ABCA13: variants seen among roughly 807,000 people sequenced by gnomAD.
ABCA13 encodes ATP-binding cassette sub-family A member 13.
A neutral mutation model predicts 478.7 loss-of-function variants in ABCA13; 476 were observed. That is an observed-to-expected ratio of 0.99 (90% CI 0.92 to 1.07). The LOEUF is 1.07. Ranked by LOEUF, ABCA13 falls within the 50% of genes least tolerant of loss-of-function variation. The probability of loss-of-function intolerance (pLI) is 0.00; values close to 1 mark genes in which losing one functional copy is unlikely to be tolerated. For missense variants in ABCA13, 6,060 were observed against 5,910.6 expected, an observed-to-expected ratio of 1.03 and a Z score of -0.83; for synonymous variants, 2,252 against 2,158.9, an observed-to-expected ratio of 1.04 and a Z score of -1.20.
At chr7:48,492,900 C>T (rs1212516122) in intron 48 of ABCA13, among the ~76,000 whole-genome samples, 2 of 151,952 alleles carry the variant, frequency 1.3e-5, no homozygotes, top group South Asian at 2.1e-4. Context: ...TTGGTGGGCA[C>T]CTGTAATCCC....
chr7:48,314,390 C>A lies in ABCA13; in HGVS notation c.9840C>A (p.Phe3280Leu). The change falls in exon 26 of 62, where the codon TTC (phenylalanine) becomes TTA (leucine). Residue 3280 changes from phenylalanine to leucine, a missense_variant. Phe to Leu is a conservative substitution (Grantham distance 22). Coordinates refer to ENST00000435803, the MANE Select transcript of ABCA13 (RefSeq NM_152701.5). Reference protein sequence around the residue: ...KELLEDDKEKFNIPEDSTPFC... With the variant: ...KELLEDDKEKLNIPEDSTPFC... Reference sequence around the variant, plus strand: ...TCTTGGAAGATGACAAAGAAAAATTCAACATTCCTGAAGATTCAAGTAAGA... The same window carrying A: ...TCTTGGAAGATGACAAAGAAAAATTAAACATTCCTGAAGATTCAAGTAAGA... 6.3e-7 allele frequency: 1 copy of A among 1,595,662 alleles called. No homozygotes were observed. Among genetic ancestry groups the A allele is most frequent in the Non-Finnish European group, 8.5e-7 (1 of 1,170,208 alleles).
intron 57 of ABCA13, among the ~76,000 whole-genome samples, chr7:48,590,458 A>G (rs1198322771): frequency 2.6e-5 from 4 of 152,306 alleles, no homozygotes; most frequent in Admixed American, 1.3e-4. Context: ...TAGCACTGCA[A>G]ATATCCCTTC....
chr7:48,313,324 T>C, intron 25 of ABCA13, 93 bp downstream of exon 25: 1 of 1,314,016 alleles, frequency 7.6e-7, no homozygotes, highest in Non-Finnish European at 1.0e-6. Flanking sequence ...ACATCTAAAA[T>C]TTGCATTAGA....
chr7:48,384,045 G>T (rs1219455575), intron 35 of ABCA13, among the ~76,000 whole-genome samples: 1 of 152,158 alleles, frequency 6.6e-6, no homozygotes, highest in Non-Finnish European at 1.5e-5. Flanking sequence ...CTTTGTCATT[G>T]TGTCATCTAG....
chr7:48,329,510 C>T (rs374964204), intron 27 of ABCA13, among the ~76,000 whole-genome samples: 4 of 152,122 alleles, frequency 2.6e-5, no homozygotes, highest in South Asian at 4.1e-4. Flanking sequence ...GGCACAAGTC[C>T]CTTTTGTTTC....
chr7:48,571,820 G>A (rs959307484), intron 55 of ABCA13, among the ~76,000 whole-genome samples: 1 of 152,150 alleles, frequency 6.6e-6, no homozygotes, highest in African/African-American at 2.4e-5. Flanking sequence ...ATGTTGAATA[G>A]AAGAGGTGGT....
At position 48,644,756 on chromosome 7, in the gene ABCA13, T is replaced by A; in HGVS notation, c.15081+2T>A. The A allele has an allele frequency of 6.3e-7, 1 of 1,592,952 alleles. No homozygotes were observed. Among genetic ancestry groups the A allele is most frequent in the East Asian group, 2.2e-5 (1 of 44,654 alleles). ...ATTAACCAAACCACTTTGGAGCAGG[T>A]ATAGTATCTTGAATGATTCAGGAGG... On this transcript the variant is annotated splice_donor_variant, in intron 61 of 61. Coordinates refer to ENST00000435803, the MANE Select transcript of ABCA13 (RefSeq NM_152701.5). LOFTEE classifies it high-confidence loss of function.
At chr7:48,265,193 C>T (rs909137263) in intron 15 of ABCA13, among the ~76,000 whole-genome samples, 1 of 151,606 alleles carries the variant, frequency 6.6e-6, no homozygotes, top group Non-Finnish European at 1.5e-5. Context: ...CATAGCTTTA[C>T]AGTAAAACTT....
At chr7:48,629,590 A>AG (rs1793982434) in intron 59 of ABCA13, among the ~76,000 whole-genome samples, 1 of 151,174 alleles carries the variant, frequency 6.6e-6, no homozygotes, top group African/African-American at 2.4e-5. Flanking sequence ...AAAAAAAAAA[A>AG]AAAAAAAGCT....
Position 48,420,772 on chromosome 7 carries a change from G to C in ABCA13, c.12460-6994G>C, listed in dbSNP as rs1261610224. Among the ~76,000 whole-genome samples the C allele has an allele frequency of 2.8e-5, 4 of 145,286 alleles. No individual in the cohort carries two copies. In the Admixed American group the frequency reaches 2.8e-4, roughly 10 times the overall value. On this transcript the variant is annotated intron_variant, in intron 41 of 61. Transcript: ENST00000435803. ...GACTTTTTTTTAGAACAATTTTTAA[G>C]AAAAAAGAATTGCTGTAAAATCTTT... is the stretch of plus-strand genomic sequence containing the variant.
At chr7:48,445,646 C>T (rs34154439) in intron 42 of ABCA13, among the ~76,000 whole-genome samples, 23,465 of 152,174 alleles carry the variant, frequency 0.15, 2,311 homozygotes, top group East Asian at 0.22. Flanking sequence ...GACCAAGTTA[C>T]TTCCCTCCTG....
At chr7:48,423,251 A>C (rs926541446) in intron 41 of ABCA13, among the ~76,000 whole-genome samples, 2 of 152,202 alleles carry the variant, frequency 1.3e-5, no homozygotes, top group African/African-American at 4.8e-5. Context: ...TGCTTCCTTA[A>C]AAAACAATCA....
intron 35 of ABCA13, among the ~76,000 whole-genome samples, chr7:48,377,110 G>A (rs1356791341): frequency 1.3e-5 from 2 of 152,008 alleles, no homozygotes; most frequent in Non-Finnish European, 2.9e-5. Flanking sequence ...TCACGGATAT[G>A]GGGTTTCCCA....
At chr7:48,639,340 G>C (rs944134981) in intron 59 of ABCA13, among the ~76,000 whole-genome samples, 8 of 152,202 alleles carry the variant, frequency 5.3e-5, no homozygotes, top group African/African-American at 1.9e-4. Flanking sequence ...CAGTAGCTGA[G>C]GACAGATCAC....
intron 4 of ABCA13, among the ~76,000 whole-genome samples, chr7:48,220,914 A>T (rs1351348051): frequency 6.6e-6 from 1 of 151,864 alleles, no homozygotes; most frequent in Non-Finnish European, 1.5e-5. Context: ...TTTCTCTTCA[A>T]GTTTTTCCTT....
chr7:48,640,666 A>G (rs1158487705), intron 59 of ABCA13, among the ~76,000 whole-genome samples: 1 of 152,204 alleles, frequency 6.6e-6, no homozygotes, highest in Non-Finnish European at 1.5e-5. Context: ...TATTCTGTGG[A>G]AGTATGAAAA....
intron 20 of ABCA13, 62 bp downstream of exon 20, chr7:48,288,140 G>A (rs561139474): frequency 7.7e-6 from 11 of 1,435,552 alleles, no homozygotes; most frequent in Non-Finnish European, 9.8e-6. Context: ...TTGCAAGGCA[G>A]TCCAGTTATT....
intron 1 of ABCA13, among the ~76,000 whole-genome samples, chr7:48,185,734 A>G (rs1796267632): frequency 6.6e-6 from 1 of 152,140 alleles, no homozygotes; most frequent in Middle Eastern, 3.5e-3. Context: ...ACTTTTTTTG[A>G]TTAATACTTG....
At chr7:48,452,457 ACT>A (rs1292777241) in intron 42 of ABCA13, among the ~76,000 whole-genome samples, 1 of 151,916 alleles carries the variant, frequency 6.6e-6, no homozygotes, top group Non-Finnish European at 1.5e-5. Context: ...ATAAATCACC[ACT>A]CTCTGAGTCT....
Sources: gnomAD v4.1 joint callset for allele counts (sites outside exome capture counted in the v4.1 genomes callset) on GRCh38, gnomAD v4.1.1 for gene constraint, MANE v1.5 for transcripts, NCBI Gene and HGNC (gene_info 2026-07-23, HGNC 2026-07-21) for gene names.